MGMT: variants seen among roughly 807,000 people sequenced by gnomAD.
The protein encoded by MGMT is methylated-DNA--protein-cysteine methyltransferase.
Under a neutral mutation model 15.9 loss-of-function variants are expected in MGMT, and 14 were observed. The ratio of observed to expected loss-of-function variants is 0.88; its 90% CI spans 0.58 to 1.37. The LOEUF (loss-of-function observed/expected upper bound fraction) is 1.37. Among genes scored for constraint, MGMT ranks in the 40% most tolerant of loss-of-function variants. The probability of loss-of-function intolerance (pLI) is 0.00; values close to 1 mark genes in which losing one functional copy is unlikely to be tolerated. For missense variants in MGMT, 282 were observed against 268.1 expected, an observed-to-expected ratio of 1.05 and a Z score of -0.36; for synonymous variants, 130 against 118.2, an observed-to-expected ratio of 1.10 and a Z score of -0.65.
At chr10:129,503,506 A>G (rs1206348014) in intron 1 of MGMT, among the ~76,000 whole-genome samples, 3 of 152,226 alleles carry the variant, frequency 2.0e-5, no homozygotes, top group Non-Finnish European at 4.4e-5. Context: ...TGGTGTTGCA[A>G]TAAGGGAGGG....
At chr10:129,619,388 TAATA>T (rs1434541127) in intron 2 of MGMT, among the ~76,000 whole-genome samples, 4 of 152,212 alleles carry the variant, frequency 2.6e-5, no homozygotes, top group Admixed American at 2.0e-4. Context: ...TACATAGAAA[TAATA>T]AATATACAAA....
chr10:129,652,498 C>G (rs1057234379), intron 2 of MGMT, among the ~76,000 whole-genome samples: 1 of 152,228 alleles, frequency 6.6e-6, no homozygotes, highest in African/African-American at 2.4e-5. Flanking sequence ...TGCGCCCATG[C>G]GAAGGCTTTC....
intron 1 of MGMT, among the ~76,000 whole-genome samples, chr10:129,535,002 A>G (rs533918256): frequency 6.6e-6 from 1 of 152,330 alleles, no homozygotes; most frequent in South Asian, 2.1e-4. Flanking sequence ...AAATGAACAC[A>G]ATTGTGTCTC....
intron 2 of MGMT, among the ~76,000 whole-genome samples, chr10:129,612,296 C>T (rs1846969686): frequency 6.6e-6 from 1 of 152,140 alleles, no homozygotes. Flanking sequence ...TAAAATGTTT[C>T]TTATCAGACT....
At chr10:129,714,258 G>A (rs1223003059) in intron 3 of MGMT, among the ~76,000 whole-genome samples, 2 of 152,216 alleles carry the variant, frequency 1.3e-5, no homozygotes, top group Admixed American at 6.5e-5. Flanking sequence ...GCTATACTCT[G>A]GCATATTGGT....
chr10:129,605,830 G>C (rs1846883109), intron 2 of MGMT, among the ~76,000 whole-genome samples: 1 of 152,086 alleles, frequency 6.6e-6, no homozygotes, highest in South Asian at 2.1e-4. Flanking sequence ...TGCTTGCGTG[G>C]CCAAAAACAC....
At chr10:129,497,094 C>G (rs1051001695) in intron 1 of MGMT, among the ~76,000 whole-genome samples, 1 of 152,136 alleles carries the variant, frequency 6.6e-6, no homozygotes. Flanking sequence ...AGCATCATTT[C>G]CTGATCTAAT....
At chr10:129,757,162 G>T (rs1799856764) in intron 3 of MGMT, among the ~76,000 whole-genome samples, 1 of 152,226 alleles carries the variant, frequency 6.6e-6, no homozygotes, top group Non-Finnish European at 1.5e-5. Flanking sequence ...GACCAGTTAA[G>T]AAATGGTTTC....
At chr10:129,578,216 A>G (rs1038296073) in intron 2 of MGMT, among the ~76,000 whole-genome samples, 8 of 152,240 alleles carry the variant, frequency 5.3e-5, no homozygotes, top group East Asian at 1.9e-4. Flanking sequence ...TCATGCTGCT[A>G]TAAAGATACA....
At chr10:129,511,004 A>G (rs1206866965) in intron 1 of MGMT, among the ~76,000 whole-genome samples, 1 of 148,710 alleles carries the variant, frequency 6.7e-6, no homozygotes, top group East Asian at 2.0e-4. Context: ...CCGCAGCCAG[A>G]CACAGACACG....
chr10:129,568,627 A>G (rs771735910), intron 2 of MGMT, among the ~76,000 whole-genome samples: 21 of 152,184 alleles, frequency 1.4e-4, no homozygotes, highest in Non-Finnish European at 2.8e-4. Flanking sequence ...AAGAGGAAAA[A>G]AAGGTAAAAT....
At position 129,487,642 on chromosome 10, in the gene MGMT, G is replaced by T. The variant is rs559284513; in HGVS notation, c.-13+20346G>T. ...ATGCCTGTTCATATCCTTTCTGCCT[G>T]TGTTTCTGTTGGGATTTCTTTTTCT... On this transcript the variant is annotated intron_variant, in intron 1 of 4. Transcript: ENST00000651593. Among the ~76,000 whole-genome samples the T allele has an allele frequency of 4.6e-5, 7 of 151,702 alleles. No homozygotes were observed. In the South Asian group the frequency reaches 1.3e-3, roughly 27 times the overall value.
At chr10:129,600,930 G>C (rs1365516639) in intron 2 of MGMT, among the ~76,000 whole-genome samples, 1 of 152,124 alleles carries the variant, frequency 6.6e-6, no homozygotes, top group Non-Finnish European at 1.5e-5. Flanking sequence ...CTCCTAGTTG[G>C]TTAGTGAAAC....
intron 2 of MGMT, among the ~76,000 whole-genome samples, chr10:129,591,701 G>T (rs930601612): frequency 6.6e-6 from 1 of 152,194 alleles, no homozygotes; most frequent in Non-Finnish European, 1.5e-5. Flanking sequence ...GGAGGCCGAG[G>T]TGGGTGGATC....
chr10:129,706,661 C>T (rs576921994), intron 2 of MGMT, among the ~76,000 whole-genome samples: 14 of 152,236 alleles, frequency 9.2e-5, no homozygotes, highest in African/African-American at 2.9e-4. Context: ...CTGAAGAAAT[C>T]GGACCCAGGG....
intron 3 of MGMT, among the ~76,000 whole-genome samples, chr10:129,719,523 C>T (rs1033442381): frequency 3.4e-4 from 52 of 152,144 alleles, no homozygotes; most frequent in Non-Finnish European, 1.5e-5. Flanking sequence ...CTACTCAGAC[C>T]AAGGTGCTGA....
At chr10:129,513,718 CAA>C (rs1372760118) in intron 1 of MGMT, among the ~76,000 whole-genome samples, 34 of 152,282 alleles carry the variant, frequency 2.2e-4, no homozygotes, top group African/African-American at 7.5e-4. Context: ...TGTTGTAAAA[CAA>C]GGGAAGGCCA....
In MGMT at chr10:129,556,471, T is replaced by C. The variant is rs1157890535; in HGVS notation, c.125+20094T>C. Among the ~76,000 whole-genome samples the C allele has an allele frequency of 6.6e-6, 1 of 151,944 alleles. No homozygotes were observed. Among genetic ancestry groups the C allele is most frequent in the Non-Finnish European group, 1.5e-5 (1 of 67,962 alleles). The stretch of plus-strand genomic sequence containing the variant: ...AGAGCGCCTTGGAGAAAACCAGCTG[T>C]GCCTACACCTTGGGTTCAGACTTGC... On this transcript the variant is annotated intron_variant, in intron 2 of 4. Transcript: ENST00000651593. The surrounding 1 kb of genome is among the most constrained non-coding windows in gnomAD (Gnocchi z 4.3).
intron 1 of MGMT, among the ~76,000 whole-genome samples, chr10:129,482,555 T>G (rs532400700): frequency 6.6e-6 from 1 of 152,340 alleles, no homozygotes; most frequent in South Asian, 2.1e-4. Context: ...CTGTTGGTTC[T>G]TGGTTCATCT....
Sources: gnomAD v4.1 joint callset for allele counts (sites outside exome capture counted in the v4.1 genomes callset) on GRCh38, gnomAD v4.1.1 for gene constraint, Gnocchi (gnomAD v3.1) non-coding constraint, MANE v1.5 for transcripts, NCBI Gene and HGNC (gene_info 2026-07-23, HGNC 2026-07-21) for gene names.